The following PPIG variants were observed in gnomAD, a reference collection of about 807,000 sequenced individuals.
PPIG encodes the protein peptidylprolyl isomerase G.
Under a neutral mutation model 87.9 loss-of-function variants are expected in PPIG, and 26 were observed. The observed-to-expected ratio is 0.30, with a 90% CI of 0.22 to 0.41. The LOEUF is 0.41. Ranked by LOEUF, PPIG falls within the 10% of genes least tolerant of loss-of-function variation. The probability of loss-of-function intolerance (pLI) is 1.00; values close to 1 mark genes in which losing one functional copy is unlikely to be tolerated. For missense variants in PPIG, 722 were observed against 879.4 expected (o/e 0.82, Z 2.26); for synonymous variants, 308 against 276.5 (o/e 1.11, Z -1.13).
Position 169,639,585 on chromosome 2 carries a change from CA to C in PPIG, c.*2066del, listed in dbSNP as rs895122342. The C allele has an allele frequency of 6.6e-6, 1 of 152,040 alleles. No homozygotes were observed. The highest frequency in any genetic ancestry group is 2.4e-5 in the African/African-American group (1 of 41,422). The allele number at this position is 152,040 out of a possible 1,614,324, so 9.4% of individuals were successfully genotyped here. Reference sequence around the variant, plus strand: ...ATAGGCAATATTCTGTTTGGGTTATCAAAAGAGCAACTCCATGCTCCGCATT... The same window carrying C: ...ATAGGCAATATTCTGTTTGGGTTATCAAAGAGCAACTCCATGCTCCGCATT... On this transcript the variant is annotated 3_prime_UTR_variant, in exon 14 of 14. Coordinates refer to ENST00000260970, the MANE Select transcript of PPIG (RefSeq NM_004792.3).
chr2:169,594,141 G>A (rs1317578548), intron 1 of PPIG, among the ~76,000 whole-genome samples: 1 of 152,056 alleles, frequency 6.6e-6, no homozygotes, highest in Non-Finnish European at 1.5e-5. Context: ...ATTTAGAGTA[G>A]TTCCTCATAA....
chr2:169,628,939 C>CAAAAA lies in PPIG; in HGVS notation c.548-1810_548-1806dup, dbSNP rs71006010. 7.6e-4 allele frequency among the ~76,000 whole-genome samples: 70 copies of CAAAAA among 92,308 alleles called. 4 individuals are homozygous for CAAAAA. Among genetic ancestry groups the CAAAAA allele is most frequent in the African/African-American group, 2.3e-3 (57 of 24,528 alleles). 60.6% of individuals were successfully genotyped at this position (92,308 alleles called of 152,430 possible). Reference sequence around the variant, plus strand: ...GGGCAACAGAGCAAGACCCTGTCTCCAAAAAAAAAAAAAAAAAAAAAAAAA... The same window carrying CAAAAA: ...GGGCAACAGAGCAAGACCCTGTCTCCAAAAAAAAAAAAAAAAAAAAAAAAAAAAAA... On this transcript the variant is annotated intron_variant, in intron 9 of 13. Transcript: ENST00000260970.
At chr2:169,604,307 A>ATGGT in intron 4 of PPIG, 46 bp downstream of exon 4, 1 of 789,684 alleles carries the variant, frequency 1.3e-6, no homozygotes, top group Non-Finnish European at 1.9e-6. Flanking sequence ...TCAGTTGACT[A>ATGGT]TGGCTTGCTT....
chr2:169,607,110 G>A lies in PPIG; in HGVS notation c.251G>A (p.Gly84Glu). 1 of 1,568,540 alleles carries A rather than the reference G, an allele frequency of 6.4e-7. No individual in the cohort carries two copies. The highest frequency in any genetic ancestry group is 8.7e-7 in the Non-Finnish European group (1 of 1,143,120). ...VQGGDFSEGN[G>E]RGGESIYGGF... ...GTATGTTTTTCATTTTTAGGAAATGGACGAGGAGGGGAATCTATCTATGGA... is the reference window on the plus strand; with the variant it reads ...GTATGTTTTTCATTTTTAGGAAATGAACGAGGAGGGGAATCTATCTATGGA... Residue 84 changes from glycine to glutamate, a missense_variant, in exon 6 of 14, where the codon GGA becomes GAA. Physicochemically the swap from Gly to Glu is moderately conservative, Grantham distance 98. Transcript: ENST00000260970.
At chr2:169,602,789 A>G (rs1418314940) in intron 1 of PPIG, among the ~76,000 whole-genome samples, 1 of 152,182 alleles carries the variant, frequency 6.6e-6, no homozygotes, top group Non-Finnish European at 1.5e-5. Context: ...TTGTGTTTTA[A>G]AAGAATCATT....
intron 1 of PPIG, among the ~76,000 whole-genome samples, chr2:169,594,058 A>G (rs1684945709): frequency 6.6e-6 from 1 of 152,118 alleles, no homozygotes; most frequent in African/African-American, 2.4e-5. Context: ...TGATATTATG[A>G]TAGGTTGCTT....
intron 9 of PPIG, among the ~76,000 whole-genome samples, chr2:169,624,436 A>G (rs1685831398): frequency 6.6e-6 from 1 of 152,100 alleles, no homozygotes; most frequent in Admixed American, 6.6e-5. Flanking sequence ...TGAAAGTGTT[A>G]TTACTCTTTG....
At position 169,584,370 on chromosome 2, in the gene PPIG, C is replaced by A. The variant is rs549726135; in HGVS notation, c.-190C>A. On this transcript the variant is annotated 5_prime_UTR_variant, in exon 1 of 14. Coordinates refer to ENST00000260970, the MANE Select transcript of PPIG (RefSeq NM_004792.3). ...TCCGGTGCGACGCTGTCTCTCCATG[C>A]CAGGACTGAGTTGTGGGGGAGGGAG... 73 of 471,158 alleles carry A rather than the reference C, an allele frequency of 1.5e-4. 1 individual carries two copies. Among genetic ancestry groups the A allele is most frequent in the Middle Eastern group, 1.3e-3 (4 of 3,070 alleles). 29.2% of individuals were successfully genotyped at this position (471,158 alleles called of 1,614,324 possible). A position where few individuals can be genotyped will look rare whatever the true frequency, so the allele number is the denominator to read the frequency against.
chr2:169,626,490 T>G (rs1685891143), intron 9 of PPIG, among the ~76,000 whole-genome samples: 2 of 151,642 alleles, frequency 1.3e-5, no homozygotes, highest in South Asian at 4.2e-4. Context: ...GCCTCCCAGT[T>G]CAAGAGATTC....
intron 10 of PPIG, 157 bp from the exon 11 acceptor site, chr2:169,631,609 A>G: frequency 7.1e-7 from 1 of 1,416,604 alleles, no homozygotes; most frequent in Non-Finnish European, 9.1e-7. Context: ...TTGGTTTGTC[A>G]GAGGAATAGA....
At chr2:169,591,934 T>TTA (rs1271240569) in intron 1 of PPIG, among the ~76,000 whole-genome samples, 7 of 139,090 alleles carry the variant, frequency 5.0e-5, no homozygotes, top group Non-Finnish European at 1.1e-4. Context: ...TTTTTTTTTT[T>TTA]TTTTTTTTTT....
chr2:169,633,816 A>C (rs1272579216), intron 12 of PPIG, among the ~76,000 whole-genome samples: 2 of 140,620 alleles, frequency 1.4e-5, no homozygotes, highest in Non-Finnish European at 3.0e-5. Context: ...TGCTCCTTGT[A>C]ATATTCTTTC....
chr2:169,599,515 A>G (rs909427790), intron 1 of PPIG, among the ~76,000 whole-genome samples: 2 of 152,226 alleles, frequency 1.3e-5, no homozygotes, highest in African/African-American at 4.8e-5. Flanking sequence ...CTTTACAGAT[A>G]TTCCAGTACA....
intron 9 of PPIG, among the ~76,000 whole-genome samples, chr2:169,627,098 C>T (rs1489504337): frequency 6.6e-6 from 1 of 151,976 alleles, no homozygotes; most frequent in Non-Finnish European, 1.5e-5. Flanking sequence ...TCTGGCCTTC[C>T]ATTTCATTTA....
chr2:169,636,483 C>T lies in PPIG; in HGVS notation c.1225C>T (p.His409Tyr). ...AGTAAAAGAGAGAAAAATAACAGAT[C>T]ACAGGAATGTATCTGAGAGTCCAAA... is the stretch of plus-strand genomic sequence containing the variant. ...VRVKERKITD[H>Y]RNVSESPNRK... The change falls in exon 14 of 14, where the codon CAC (histidine) becomes TAC (tyrosine). Residue 409 changes from histidine to tyrosine, a missense_variant. By Grantham distance (83) the His-to-Tyr change is moderately conservative. Transcript: ENST00000260970. 1.9e-6 allele frequency: 3 copies of T among 1,593,322 alleles called. No homozygotes were observed. In the South Asian group the frequency reaches 3.5e-5, roughly 19 times the overall value.
intron 1 of PPIG, among the ~76,000 whole-genome samples, chr2:169,602,255 G>T (rs1685205951): frequency 6.6e-6 from 1 of 151,878 alleles, no homozygotes; most frequent in African/African-American, 2.4e-5. Context: ...CTGGTCCCAA[G>T]CATTTCCTAT....
At chr2:169,623,558 G>A (rs1685809149) in intron 9 of PPIG, among the ~76,000 whole-genome samples, 1 of 152,200 alleles carries the variant, frequency 6.6e-6, no homozygotes, top group South Asian at 2.1e-4. Context: ...CAGATTGCCT[G>A]ACAATACAGA....
At chr2:169,600,913 T>G (rs773495884) in intron 1 of PPIG, among the ~76,000 whole-genome samples, 3 of 147,084 alleles carry the variant, frequency 2.0e-5, no homozygotes. Flanking sequence ...CATGAACATA[T>G]TCTTATTGCA....
intron 9 of PPIG, among the ~76,000 whole-genome samples, chr2:169,617,607 C>A (rs544057450): frequency 1.3e-5 from 2 of 152,058 alleles, no homozygotes; most frequent in African/African-American, 4.8e-5. Context: ...GTTTTTTATT[C>A]TCTTTGTAGC....
Sources: gnomAD v4.1 joint callset for allele counts (sites outside exome capture counted in the v4.1 genomes callset) on GRCh38, gnomAD v4.1.1 for gene constraint, MANE v1.5 for transcripts, NCBI Gene and HGNC (gene_info 2026-07-23, HGNC 2026-07-21) for gene names.